CCNJL: variants seen among roughly 807,000 people sequenced by gnomAD.
The protein encoded by CCNJL is cyclin J like, also known as cyclin-J-like protein.
A neutral mutation model predicts 33.4 loss-of-function variants in CCNJL; 33 were observed. The ratio of observed to expected loss-of-function variants is 0.99; its 90% CI spans 0.75 to 1.32. CCNJL has a LOEUF of 1.32. Ranked by LOEUF, CCNJL falls within the 40% of genes most tolerant of loss-of-function variation. CCNJL has a pLI of 0.00. For synonymous variants in CCNJL, 227 were observed against 220.9 expected, an observed-to-expected ratio of 1.03 and a Z score of -0.24; for missense variants, 512 against 499.7, an observed-to-expected ratio of 1.02 and a Z score of -0.23.
chr5:160,310,774 A>G (rs1763236282), intron 2 of CCNJL, among the ~76,000 whole-genome samples: 1 of 152,190 alleles, frequency 6.6e-6, no homozygotes, highest in African/African-American at 2.4e-5. Flanking sequence ...AGATAGCACC[A>G]TGTGACAGTG....
intron 3 of CCNJL, among the ~76,000 whole-genome samples, chr5:160,268,384 C>T (rs1448010589): frequency 6.6e-6 from 1 of 152,180 alleles, no homozygotes; most frequent in African/African-American, 2.4e-5. Flanking sequence ...ACCTGTGTTT[C>T]CTCATCTGTG....
At chr5:160,295,420 G>A (rs1330999049) in intron 2 of CCNJL, among the ~76,000 whole-genome samples, 1 of 152,170 alleles carries the variant, frequency 6.6e-6, no homozygotes, top group African/African-American at 2.4e-5. Context: ...CCCGGGCACT[G>A]GAGGTTGTAG....
intron 5 of CCNJL, 60 bp downstream of exon 5, chr5:160,255,489 G>A (rs1168850081): frequency 2.0e-6 from 3 of 1,517,690 alleles, no homozygotes; most frequent in Non-Finnish European, 2.7e-6. Flanking sequence ...CCTGAGGCAG[G>A]CCTCAAGGCA....
chr5:160,255,328 T>A (rs995199191), intron 5 of CCNJL: 3 of 390,070 alleles, frequency 7.7e-6, no homozygotes, highest in Non-Finnish European at 1.4e-5. Flanking sequence ...AAAAATAAAA[T>A]AAAATAAAAA....
chr5:160,252,422 G>T lies in CCNJL; in HGVS notation c.*956C>A, dbSNP rs985591141. 1.3e-5 allele frequency: 2 copies of T among 152,300 alleles called. No individual in the cohort carries two copies. The highest frequency in any genetic ancestry group is 4.8e-5 in the African/African-American group (2 of 41,436). The allele number at this position is 152,300 out of a possible 1,614,324, so 9.4% of individuals were successfully genotyped here. A position where few individuals can be genotyped will look rare whatever the true frequency, so the allele number is the denominator to read the frequency against. ...GTAAGTATGTGGTGGAGAGAGGTGG[G>T]AACTGTTTAAATCTTTGTCTTCCTT... On this transcript the variant is annotated 3_prime_UTR_variant, in exon 6 of 6. Transcript: ENST00000257536.
At chr5:160,279,387 T>C (rs1762129909) in intron 3 of CCNJL, among the ~76,000 whole-genome samples, 1 of 152,242 alleles carries the variant, frequency 6.6e-6, no homozygotes, top group Admixed American at 6.5e-5. Flanking sequence ...TTCCTCTGCA[T>C]TAGGGCAACT....
At chr5:160,318,867 A>C (rs1014735238) in intron 1 of CCNJL, among the ~76,000 whole-genome samples, 1 of 152,040 alleles carries the variant, frequency 6.6e-6, no homozygotes, top group Non-Finnish European at 1.5e-5. Flanking sequence ...TAAAACTGGC[A>C]TGCATAATAT....
intron 2 of CCNJL, among the ~76,000 whole-genome samples, chr5:160,289,079 G>C (rs1762501797): frequency 6.6e-6 from 1 of 152,136 alleles, no homozygotes; most frequent in Non-Finnish European, 1.5e-5. Flanking sequence ...CCCAGATTTT[G>C]GGCATGTGGG....
chr5:160,281,965 C>A (rs1437113575), intron 2 of CCNJL, among the ~76,000 whole-genome samples: 5 of 152,132 alleles, frequency 3.3e-5, no homozygotes, highest in Non-Finnish European at 7.3e-5. Flanking sequence ...CTAGACACTA[C>A]TTGTTTAGGA....
intron 2 of CCNJL, among the ~76,000 whole-genome samples, chr5:160,309,868 G>C (rs1372489260): frequency 6.6e-6 from 1 of 152,188 alleles, no homozygotes; most frequent in African/African-American, 2.4e-5. Context: ...TTTCTAACCT[G>C]CAAAACTGGG....
chr5:160,317,415 T>C (rs1284477814), upstream of CCNJL, among the ~76,000 whole-genome samples: 1 of 152,044 alleles, frequency 6.6e-6, no homozygotes, highest in Non-Finnish European at 1.5e-5. Context: ...TATAGAAAAT[T>C]TTATCGTTGA....
At position 160,294,477 on chromosome 5, in the gene CCNJL, C is replaced by T. The variant is rs188806409; in HGVS notation, c.67-13739G>A. On this transcript the variant is annotated intron_variant, in intron 2 of 5. Coordinates refer to ENST00000257536, the MANE Select transcript of CCNJL (RefSeq NM_001308173.3). ...AGGCAGGCCAGCTCCAAGCACACCTCCTCATTCCCGGAAGCCAGAGCCACT... is the reference window on the plus strand; with the variant it reads ...AGGCAGGCCAGCTCCAAGCACACCTTCTCATTCCCGGAAGCCAGAGCCACT... 3.6e-3 allele frequency among the ~76,000 whole-genome samples: 554 copies of T among 152,328 alleles called. 7 individuals carry two copies. The highest frequency in any genetic ancestry group is 0.012 in the African/African-American group (507 of 41,564).
chr5:160,306,459 C>T (rs1033361953), intron 2 of CCNJL, among the ~76,000 whole-genome samples: 14 of 152,060 alleles, frequency 9.2e-5, no homozygotes, highest in African/African-American at 3.1e-4. Flanking sequence ...GGTAAACACC[C>T]AGTGGACGAG....
intron 3 of CCNJL, among the ~76,000 whole-genome samples, chr5:160,272,079 T>G (rs1479935064): frequency 6.6e-6 from 1 of 152,214 alleles, no homozygotes; most frequent in Non-Finnish European, 1.5e-5. Context: ...ATCTCAAGCA[T>G]TCCCAGCTTT....
intron 2 of CCNJL, among the ~76,000 whole-genome samples, chr5:160,286,357 A>T (rs138365491): frequency 2.0e-5 from 3 of 152,324 alleles, no homozygotes; most frequent in Admixed American, 2.0e-4. Flanking sequence ...AGAAAAAGTT[A>T]TGGACCAGGT....
intron 2 of CCNJL, among the ~76,000 whole-genome samples, chr5:160,285,737 C>T (rs1468923222): frequency 2.6e-5 from 4 of 152,226 alleles, no homozygotes; most frequent in African/African-American, 4.8e-5. Flanking sequence ...AGGCTGGAAA[C>T]GTGGGCAGGG....
Position 160,336,849 on chromosome 5 carries a change from C to T in CCNJL, n.206+2596G>A, listed in dbSNP as rs186493764. Among the ~76,000 whole-genome samples the T allele has an allele frequency of 3.3e-3, 501 of 152,256 alleles. 7 individuals are homozygous for T. Among genetic ancestry groups the T allele is most frequent in the African/African-American group, 0.011 (466 of 41,548 alleles). On this transcript the variant is annotated intron_variant and non_coding_transcript_variant, in intron 1 of 7. Coordinates refer to the CCNJL transcript ENST00000377503. Reference sequence around the variant, plus strand: ...CCGTCACAGGCCACATCCAAATACTCAGTGAAACCTGTTGGCTCTATCTCC... The same window carrying T: ...CCGTCACAGGCCACATCCAAATACTTAGTGAAACCTGTTGGCTCTATCTCC...
intron 2 of CCNJL, among the ~76,000 whole-genome samples, chr5:160,283,559 G>A (rs1248252105): frequency 1.3e-5 from 2 of 152,216 alleles, no homozygotes; most frequent in East Asian, 1.9e-4. Context: ...GGTATGCAAT[G>A]TGAAATAATC....
At chr5:160,307,225 A>G (rs1763122336) in intron 2 of CCNJL, among the ~76,000 whole-genome samples, 1 of 152,172 alleles carries the variant, frequency 6.6e-6, no homozygotes, top group Non-Finnish European at 1.5e-5. Flanking sequence ...TCCCTCTCTG[A>G]CTCAGACACT....
Sources: allele counts gnomAD v4.1 joint callset (sites outside exome capture counted in the v4.1 genomes callset), GRCh38; gene constraint gnomAD v4.1.1; transcripts MANE v1.5; gene names NCBI Gene and HGNC (gene_info 2026-07-23, HGNC 2026-07-21).